Variants in IFTAP observed in about 807,000 individuals in gnomAD.
IFTAP encodes intraflagellar transport-associated protein.
A neutral mutation model predicts 19.4 loss-of-function variants in IFTAP; 19 were observed. The observed-to-expected ratio is 0.98, with a 90% confidence interval of 0.68 to 1.44. IFTAP has a LOEUF of 1.44. Ranked by LOEUF, IFTAP falls within the 40% of genes most tolerant of loss-of-function variation. IFTAP has a pLI of 0.00. For missense variants in IFTAP, 240 were observed against 253.6 expected (o/e 0.95, Z 0.36); for synonymous variants, 85 against 83.5 (o/e 1.02, Z -0.10).
intron 5 of IFTAP, among the ~76,000 whole-genome samples, chr11:36,651,275 G>A (rs1176001659): frequency 1.3e-5 from 2 of 152,292 alleles, no homozygotes; most frequent in African/African-American, 4.8e-5. Flanking sequence ...GTATCTCATT[G>A]TGGTTTTGAT....
chr11:36,614,645 T>C (rs1295173915), intron 2 of IFTAP, among the ~76,000 whole-genome samples: 2 of 148,194 alleles, frequency 1.3e-5, no homozygotes, highest in Non-Finnish European at 3.0e-5. Flanking sequence ...CTTGTGGTTT[T>C]GATTTACATT....
chr11:36,624,576 C>G (rs12421514), intron 2 of IFTAP, among the ~76,000 whole-genome samples: 14,506 of 152,238 alleles, frequency 0.095, 846 homozygotes, highest in African/African-American at 0.15. Context: ...AGCCTACCCA[C>G]CTTTCCTAAA....
intron 2 of IFTAP, among the ~76,000 whole-genome samples, chr11:36,632,947 G>GA (rs887490878): frequency 2.7e-5 from 4 of 150,798 alleles, no homozygotes; most frequent in Admixed American, 1.3e-4. Flanking sequence ...TTCATATAAA[G>GA]AAAAAAATCC....
chr11:36,626,721 T>A (rs1434781858), intron 2 of IFTAP, among the ~76,000 whole-genome samples: 1 of 151,282 alleles, frequency 6.6e-6, no homozygotes, highest in Non-Finnish European at 1.5e-5. Flanking sequence ...AGTGACCTGA[T>A]CCTAGGACTC....
chr11:36,623,423 C>T (rs1464228647), intron 2 of IFTAP, among the ~76,000 whole-genome samples: 1 of 150,514 alleles, frequency 6.6e-6, no homozygotes, highest in African/African-American at 2.4e-5. Context: ...TTGAATGTCA[C>T]CATTGTATAT....
intron 5 of IFTAP, among the ~76,000 whole-genome samples, chr11:36,652,016 G>T (rs1853758379): frequency 6.6e-6 from 1 of 152,154 alleles, no homozygotes; most frequent in African/African-American, 2.4e-5. Context: ...TTTGGCTTAG[G>T]ATTGTCTTGG....
At chr11:36,648,646 G>T (rs1056918655) in intron 5 of IFTAP, among the ~76,000 whole-genome samples, 1 of 152,138 alleles carries the variant, frequency 6.6e-6, no homozygotes, top group East Asian at 1.9e-4. Context: ...TTTTTGGGGG[G>T]TCATCAGGGA....
intron 1 of IFTAP, among the ~76,000 whole-genome samples, chr11:36,596,153 T>C (rs1456894331): frequency 6.6e-6 from 1 of 151,434 alleles, no homozygotes; most frequent in African/African-American, 2.4e-5. Flanking sequence ...TCTTTATTCC[T>C]CCTGCAAAGA....
At chr11:36,628,442 T>A (rs1852602075) in intron 2 of IFTAP, among the ~76,000 whole-genome samples, 1 of 151,310 alleles carries the variant, frequency 6.6e-6, no homozygotes, top group Non-Finnish European at 1.5e-5. Context: ...CAATTATGAT[T>A]TTACCATTCT....
intron 1 of IFTAP, chr11:36,597,717 G>A (rs1035845041): frequency 3.3e-5 from 5 of 152,190 alleles, no homozygotes; most frequent in African/African-American, 1.2e-4. Context: ...CTCCAGAGTA[G>A]CAAGTAACCT....
chr11:36,610,170 A>G lies in IFTAP; in HGVS notation c.67A>G (p.Lys23Glu), dbSNP rs1194022635. 1.9e-6 allele frequency: 3 copies of G among 1,610,062 alleles called. No homozygotes were observed. Among genetic ancestry groups the G allele is most frequent in the Non-Finnish European group, 2.5e-6 (3 of 1,176,610 alleles). ...EDQLIKDVLD[K>E]FLNCHEQTYD... is the part of the protein sequence containing the mutation. ...TCAATTAATCAAAGACGTCTTGGAT[A>G]AATTCCTTAATTGTCATGAGCAAAC... The change falls in exon 2 of 6, where the codon AAA (lysine) becomes GAA (glutamate). Residue 23 changes from lysine to glutamate, a missense_variant. Coordinates refer to ENST00000334307, the MANE Select transcript of IFTAP (RefSeq NM_138787.4).
At chr11:36,656,667 A>T (rs181754390) in intron 5 of IFTAP, among the ~76,000 whole-genome samples, 55 of 152,070 alleles carry the variant, frequency 3.6e-4, no homozygotes, top group Non-Finnish European at 5.1e-4. Flanking sequence ...AAAGCACGTG[A>T]TACTGAAATC....
chr11:36,617,416 A>G (rs1478483723), intron 2 of IFTAP, among the ~76,000 whole-genome samples: 1 of 151,768 alleles, frequency 6.6e-6, no homozygotes, highest in Admixed American at 6.6e-5. Context: ...AAATGAAACT[A>G]TAAACTTTTA....
chr11:36,640,184 G>C (rs1240996937), intron 4 of IFTAP, among the ~76,000 whole-genome samples: 1 of 152,154 alleles, frequency 6.6e-6, no homozygotes, highest in African/African-American at 2.4e-5. Flanking sequence ...AGGTTGGCAG[G>C]TCATGTGTTG....
chr11:36,657,005 G>C (rs867568355), intron 5 of IFTAP, among the ~76,000 whole-genome samples: 15 of 152,052 alleles, frequency 9.9e-5, no homozygotes, highest in African/African-American at 3.4e-4. Flanking sequence ...GAGGCTTGAA[G>C]GTAGAATTTA....
At position 36,610,077 on chromosome 11, in the gene IFTAP, G is replaced by T. The variant is rs567200799; in HGVS notation, c.-23-4G>T. 18 of 1,610,114 alleles carry T rather than the reference G, an allele frequency of 1.1e-5. No individual in the cohort carries two copies. The South Asian group carries it at 1.7e-4, about 15-fold the overall frequency. ...TCTCTAGCTGGTATTTTTCTGTCTT[G>T]CAGATACTGTGGCCTCATGAATAGG... On this transcript the variant is annotated splice_polypyrimidine_tract_variant and splice_region_variant and intron_variant, in intron 1 of 5. Coordinates refer to ENST00000334307, the MANE Select transcript of IFTAP (RefSeq NM_138787.4).
chr11:36,647,691 A>G lies in IFTAP; in HGVS notation c.359-325A>G, dbSNP rs541680091. Among the ~76,000 whole-genome samples the G allele has an allele frequency of 5.1e-4, 77 of 152,272 alleles. No individual in the cohort carries two copies. The South Asian group carries it at 0.015, about 30-fold the overall frequency. On this transcript the variant is annotated intron_variant, in intron 4 of 5. Transcript: ENST00000334307. ...GAAAATGAAGCAAAAGTAACATCTT[A>G]TCACCTTATTTTCATATAAAAGTAG... is the stretch of plus-strand genomic sequence containing the variant.
intron 5 of IFTAP, among the ~76,000 whole-genome samples, chr11:36,653,206 A>T (rs969312374): frequency 1.3e-5 from 2 of 152,162 alleles, no homozygotes; most frequent in African/African-American, 4.8e-5. Flanking sequence ...TAGTTTGCCT[A>T]TGTGGTACTA....
Position 36,610,182 on chromosome 11 carries a change from T to G in IFTAP, c.79T>G (p.Cys27Gly). ...IKDVLDKFLNCHEQTYDEEFL... is the reference protein window; with the variant it reads ...IKDVLDKFLNGHEQTYDEEFL... ...AGACGTCTTGGATAAATTCCTTAAT[T>G]GTCATGAGCAAACATATGATGAAGA... is the stretch of plus-strand genomic sequence containing the variant. Residue 27 changes from cysteine to glycine, a missense_variant, in exon 2 of 6, where the codon TGT becomes GGT. Physicochemically the swap from Cys to Gly is radical, Grantham distance 159. Coordinates refer to ENST00000334307, the MANE Select transcript of IFTAP (RefSeq NM_138787.4). The G allele has an allele frequency of 1.2e-6, 2 of 1,610,674 alleles. No homozygotes were observed. Among genetic ancestry groups the G allele is most frequent in the Non-Finnish European group, 1.7e-6 (2 of 1,177,088 alleles).
Sources: gnomAD v4.1 joint callset for allele counts (sites outside exome capture counted in the v4.1 genomes callset) on GRCh38, gnomAD v4.1.1 for gene constraint, MANE v1.5 for transcripts, NCBI Gene and HGNC (gene_info 2026-07-23, HGNC 2026-07-21) for gene names.